KCNB2: variants seen among roughly 807,000 people sequenced by gnomAD.
KCNB2 encodes the protein potassium voltage-gated channel subfamily B member 2.
Under a neutral mutation model 61.5 loss-of-function variants are expected in KCNB2, and 15 were observed. The observed-to-expected ratio is 0.24, with a 90% confidence interval of 0.16 to 0.38. KCNB2 has a LOEUF of 0.38. Among genes scored for constraint, KCNB2 ranks in the 10% least tolerant of loss-of-function variants. The pLI, the probability that KCNB2 is intolerant of heterozygous loss-of-function variation, is 1.00. For missense variants in KCNB2, 828 were observed against 1,125.2 expected, an observed-to-expected ratio of 0.74 and a Z score of 3.78; for synonymous variants, 457 against 446.0, an observed-to-expected ratio of 1.02 and a Z score of -0.31.
chr8:72,541,874 C>T (rs1489279415), intron 1 of KCNB2, among the ~76,000 whole-genome samples: 2 of 152,012 alleles, frequency 1.3e-5, no homozygotes, highest in East Asian at 3.9e-4. Flanking sequence ...CATAGTATTA[C>T]AAATTTGTTT....
intron 2 of KCNB2, among the ~76,000 whole-genome samples, chr8:72,882,881 T>C (rs1247678013): frequency 2.0e-5 from 3 of 152,196 alleles, no homozygotes; most frequent in African/African-American, 7.2e-5. Context: ...AATTTCTGGC[T>C]CCCTCTGAAT....
chr8:72,671,322 A>G lies in KCNB2; in HGVS notation c.579+103009A>G, dbSNP rs922370254. On this transcript the variant is annotated intron_variant, in intron 2 of 2. Coordinates refer to ENST00000523207, the MANE Select transcript of KCNB2 (RefSeq NM_004770.3). The stretch of plus-strand genomic sequence containing the variant: ...TCTTCTTATTAATAATATTGTTGCA[A>G]GTTACTAATACTGTTGTAAGTTAAT... 2.0e-5 allele frequency among the ~76,000 whole-genome samples: 3 copies of G among 152,206 alleles called. No individual in the cohort carries two copies. The South Asian group carries it at 6.2e-4, about 32-fold the overall frequency.
chr8:72,712,309 G>T lies in KCNB2; in HGVS notation c.579+143996G>T, dbSNP rs78202451. ...TGTAAGGCCTACCCCCAGTCTTACTGGTGGAATAGATAGTAGTGTCTTACT... is the reference window on the plus strand; with the variant it reads ...TGTAAGGCCTACCCCCAGTCTTACTTGTGGAATAGATAGTAGTGTCTTACT... On this transcript the variant is annotated intron_variant, in intron 2 of 2. Transcript: ENST00000523207. 1.9e-3 allele frequency among the ~76,000 whole-genome samples: 289 copies of T among 152,308 alleles called. 1 individual carries two copies. The highest frequency in any genetic ancestry group is 6.6e-3 in the African/African-American group (274 of 41,570).
At chr8:72,867,994 C>T (rs891472794) in intron 2 of KCNB2, among the ~76,000 whole-genome samples, 1 of 151,152 alleles carries the variant, frequency 6.6e-6, no homozygotes, top group Admixed American at 6.6e-5. Flanking sequence ...GTAAACATGG[C>T]AGATACTCAT....
At chr8:72,714,595 C>G (rs1022291628) in intron 2 of KCNB2, among the ~76,000 whole-genome samples, 1 of 152,118 alleles carries the variant, frequency 6.6e-6, no homozygotes, top group Non-Finnish European at 1.5e-5. Context: ...AAATACTTTA[C>G]AGACAAGCAA....
intron 2 of KCNB2, among the ~76,000 whole-genome samples, chr8:72,582,876 T>A (rs1283179619): frequency 6.6e-6 from 1 of 152,082 alleles, no homozygotes; most frequent in Non-Finnish European, 1.5e-5. Context: ...CATGTAGGCT[T>A]CCCAAAATGC....
intron 2 of KCNB2, among the ~76,000 whole-genome samples, chr8:72,724,268 A>T (rs1199772192): frequency 1.3e-5 from 2 of 152,240 alleles, no homozygotes; most frequent in East Asian, 3.8e-4. Flanking sequence ...TATGGCCAGG[A>T]AAATCAATCT....
intron 2 of KCNB2, among the ~76,000 whole-genome samples, chr8:72,915,952 C>A (rs747130471): frequency 6.6e-6 from 1 of 152,038 alleles, no homozygotes; most frequent in Non-Finnish European, 1.5e-5. Context: ...TGAAAGGATT[C>A]TTTGCAGGAA....
At chr8:72,779,372 G>T (rs1808717692) in intron 2 of KCNB2, among the ~76,000 whole-genome samples, 1 of 152,128 alleles carries the variant, frequency 6.6e-6, no homozygotes, top group South Asian at 2.1e-4. Flanking sequence ...TTGCATGCAG[G>T]ACAGCTTCAA....
chr8:72,910,375 G>A (rs1806266257), intron 2 of KCNB2, among the ~76,000 whole-genome samples: 1 of 152,012 alleles, frequency 6.6e-6, no homozygotes, highest in Admixed American at 6.6e-5. Flanking sequence ...CATCAAAGGT[G>A]GATTTGAGAA....
intron 2 of KCNB2, among the ~76,000 whole-genome samples, chr8:72,809,092 G>A (rs773414831): frequency 2.0e-5 from 3 of 152,114 alleles, no homozygotes; most frequent in Non-Finnish European, 4.4e-5. Flanking sequence ...TATGAAGTAT[G>A]ACATGGTTTT....
In KCNB2 at chr8:72,937,789, G is replaced by A. The variant is rs757936160; in HGVS notation, c.2434G>A (p.Asp812Asn). The change falls in exon 3 of 3, where the codon GAC becomes AAC. Residue 812 changes from aspartate to asparagine, a missense_variant. Physicochemically the swap from Asp to Asn is conservative, Grantham distance 23. This residue lies in a region of KCNB2 where 559 missense variants were observed against 588.4 expected (regional missense o/e 0.95). Transcript: ENST00000523207. ...RSFTEIDTGD[D>N]EDFLELPGAR... ...CTTCACTGAAATAGATACTGGTGAC[G>A]ACGAAGACTTCTTAGAGCTCCCAGG... 28 of 1,613,922 alleles carry A rather than the reference G, an allele frequency of 1.7e-5. 1 individual carries two copies. Among genetic ancestry groups the A allele is most frequent in the Admixed American group, 1.7e-4 (10 of 59,990 alleles).
At chr8:72,797,222 T>A (rs997644000) in intron 2 of KCNB2, among the ~76,000 whole-genome samples, 2 of 152,202 alleles carry the variant, frequency 1.3e-5, no homozygotes, top group Admixed American at 6.5e-5. Context: ...AAGATTATTG[T>A]TAAAAGTATC....
chr8:72,680,933 G>C (rs1806739257), intron 2 of KCNB2, among the ~76,000 whole-genome samples: 1 of 152,158 alleles, frequency 6.6e-6, no homozygotes, highest in Admixed American at 6.6e-5. Context: ...GTAAAGATTA[G>C]ATATATTAAG....
intron 2 of KCNB2, among the ~76,000 whole-genome samples, chr8:72,924,778 C>G (rs908540173): frequency 6.6e-6 from 1 of 152,158 alleles, no homozygotes; most frequent in Non-Finnish European, 1.5e-5. Flanking sequence ...ATGAAAGGCC[C>G]TTGTCTGTGA....
At chr8:72,621,037 C>T (rs575644775) in intron 2 of KCNB2, among the ~76,000 whole-genome samples, 9 of 152,234 alleles carry the variant, frequency 5.9e-5, no homozygotes, top group South Asian at 4.2e-4. Context: ...CCATCTGGTT[C>T]GTGAATATTC....
intron 2 of KCNB2, among the ~76,000 whole-genome samples, chr8:72,764,893 C>A (rs1010115350): frequency 6.6e-6 from 1 of 152,154 alleles, no homozygotes; most frequent in South Asian, 2.1e-4. Context: ...CTGCCAAATT[C>A]ACAAGGAGAA....
chr8:72,787,285 T>C lies in KCNB2; in HGVS notation c.580-148650T>C, dbSNP rs187857661. Among the ~76,000 whole-genome samples the C allele has an allele frequency of 6.8e-4, 104 of 152,162 alleles. 1 individual carries two copies. Among genetic ancestry groups the C allele is most frequent in the Admixed American group, 3.7e-3 (56 of 15,266 alleles). ...GGTGGAACACACCTGTACTAGATAC[T>C]TGGGGTGGGGCTGAGCTGGGAGGAT... On this transcript the variant is annotated intron_variant, in intron 2 of 2. Coordinates refer to ENST00000523207, the MANE Select transcript of KCNB2 (RefSeq NM_004770.3).
intron 1 of KCNB2, among the ~76,000 whole-genome samples, chr8:72,564,978 C>A (rs866655579): frequency 6.6e-6 from 1 of 152,126 alleles, no homozygotes; most frequent in Admixed American, 6.5e-5. Flanking sequence ...TAAACAATCT[C>A]ATCTAATCAT....
Sources: allele counts gnomAD v4.1 joint callset (sites outside exome capture counted in the v4.1 genomes callset), GRCh38; gene constraint gnomAD v4.1.1; regional missense constraint gnomAD v4.1.1; transcripts MANE v1.5; gene names NCBI Gene and HGNC (gene_info 2026-07-23, HGNC 2026-07-21).